The following DZIP3 variants were observed in gnomAD, a reference collection of about 807,000 sequenced individuals.
DZIP3 encodes the protein E3 ubiquitin-protein ligase DZIP3.
Under a neutral mutation model 162.0 loss-of-function variants are expected in DZIP3, and 118 were observed. That is an observed-to-expected ratio of 0.73 (90% CI 0.63 to 0.85). DZIP3 has a LOEUF of 0.85. DZIP3 is among the 40% of genes least tolerant of loss of function. The pLI is 0.00. For missense variants in DZIP3, 1,331 were observed against 1,407.0 expected, an observed-to-expected ratio of 0.95 and a Z score of 0.86; for synonymous variants, 438 against 458.6, an observed-to-expected ratio of 0.96 and a Z score of 0.57.
At chr3:108,603,595 G>GTT (rs1245090052) in intron 1 of DZIP3, among the ~76,000 whole-genome samples, 1 of 152,162 alleles carries the variant, frequency 6.6e-6, no homozygotes, top group Non-Finnish European at 1.5e-5. Flanking sequence ...AAGTGTTTTT[G>GTT]TTGGGGATGA....
chr3:108,669,345 ATC>A (rs1047115660), intron 21 of DZIP3, among the ~76,000 whole-genome samples: 9 of 151,930 alleles, frequency 5.9e-5, no homozygotes, highest in African/African-American at 2.2e-4. Flanking sequence ...AGAAGATACC[ATC>A]TCTGTTTTCT....
chr3:108,592,786 C>G lies in DZIP3; in HGVS notation c.-73+2947C>G, dbSNP rs530987117. Among the ~76,000 whole-genome samples, 3 of 149,724 alleles carry G rather than the reference C, an allele frequency of 2.0e-5. No individual in the cohort carries two copies. The South Asian group carries it at 6.3e-4, about 32-fold the overall frequency. On this transcript the variant is annotated intron_variant, in intron 1 of 32. Coordinates refer to ENST00000361582, the MANE Select transcript of DZIP3 (RefSeq NM_014648.4). ...ATATAGTTTGTCATACTGTCTTGTT[C>G]CATTCTTATTATGTTTATTTATCAT...
chr3:108,626,996 T>C (rs1010672895), intron 7 of DZIP3, among the ~76,000 whole-genome samples: 1 of 152,208 alleles, frequency 6.6e-6, no homozygotes, highest in Non-Finnish European at 1.5e-5. Context: ...AAGGTTGATA[T>C]CCTATTCTCT....
At chr3:108,667,758 CA>C (rs1447138055) in intron 21 of DZIP3, among the ~76,000 whole-genome samples, 7 of 152,016 alleles carry the variant, frequency 4.6e-5, no homozygotes, top group Non-Finnish European at 1.0e-4. Flanking sequence ...GAAAAACTGT[CA>C]AACAAGAGTA....
intron 27 of DZIP3, among the ~76,000 whole-genome samples, chr3:108,685,581 C>A (rs534503149): frequency 8.6e-4 from 131 of 152,150 alleles, no homozygotes; most frequent in Non-Finnish European, 1.4e-3. Context: ...GAAGGAACTA[C>A]CATAAAATAT....
At chr3:108,661,419 G>T (rs1943427191) in intron 19 of DZIP3, among the ~76,000 whole-genome samples, 1 of 152,100 alleles carries the variant, frequency 6.6e-6, no homozygotes, top group South Asian at 2.1e-4. Flanking sequence ...CTCACTCATA[G>T]GTGGGAATTG....
chr3:108,657,887 CAAAG>C lies in DZIP3; in HGVS notation c.2199+3580_2199+3583del, dbSNP rs1943213840. Among the ~76,000 whole-genome samples the C allele has an allele frequency of 2.0e-5, 3 of 152,236 alleles. No individual in the cohort carries two copies. The South Asian group carries it at 6.2e-4, about 32-fold the overall frequency. On this transcript the variant is annotated intron_variant, in intron 19 of 32. Transcript: ENST00000361582. ...TTAAACCAACAAAGATCAAAAGAGA[CAAAG>C]AAGGTCTTTACATAATGGTAAAGGG...
intron 9 of DZIP3, 81 bp from the exon 10 acceptor site, chr3:108,634,790 T>G (rs755299389): frequency 2.5e-4 from 176 of 703,696 alleles, no homozygotes; most frequent in Non-Finnish European, 3.5e-4. Flanking sequence ...TAGAATAATT[T>G]TTAAAGTGAC....
In DZIP3 at chr3:108,659,978, AAAAT is replaced by A. The variant is rs1432168884; in HGVS notation, c.2200-1895_2200-1892del. On this transcript the variant is annotated intron_variant, in intron 19 of 32. Coordinates refer to ENST00000361582, the MANE Select transcript of DZIP3 (RefSeq NM_014648.4). Reference sequence around the variant, plus strand: ...GGAGAACTACAAACCACTGCTCAACAAAATAAAAGAGGATACAAAGAAATGGAAG... The same window carrying A: ...GGAGAACTACAAACCACTGCTCAACAAAAAGAGGATACAAAGAAATGGAAG... Among the ~76,000 whole-genome samples, 1,295 of 152,220 alleles carry A rather than the reference AAAAT, an allele frequency of 8.5e-3. 17 individuals are homozygous for A. Among genetic ancestry groups the A allele is most frequent in the African/African-American group, 0.03 (1,240 of 41,550 alleles).
chr3:108,631,053 A>ACTCTCTCTCTCTCTCT (rs1559741298), intron 8 of DZIP3, among the ~76,000 whole-genome samples: 14 of 32,284 alleles, frequency 4.3e-4, no homozygotes, highest in Non-Finnish European at 4.7e-4. Flanking sequence ...ACACACACAC[A>ACTCTCTCTCTCTCTCT]CACTCTCTCT....
At chr3:108,615,718 A>C (rs897459564) in intron 4 of DZIP3, among the ~76,000 whole-genome samples, 4 of 152,262 alleles carry the variant, frequency 2.6e-5, no homozygotes, top group African/African-American at 9.6e-5. Flanking sequence ...CTTTCATTTC[A>C]ACCATGTAAA....
At chr3:108,593,384 T>C (rs760534329) in intron 1 of DZIP3, among the ~76,000 whole-genome samples, 1 of 152,228 alleles carries the variant, frequency 6.6e-6, no homozygotes, top group Non-Finnish European at 1.5e-5. Context: ...ATGTTTTTCT[T>C]TGCTTCAGGT....
intron 6 of DZIP3, among the ~76,000 whole-genome samples, chr3:108,625,481 A>C (rs1316933309): frequency 1.3e-5 from 2 of 152,176 alleles, no homozygotes; most frequent in Non-Finnish European, 2.9e-5. Context: ...AGCTGGACTT[A>C]ACTCCTGGGC....
intron 29 of DZIP3, 99 bp downstream of exon 29, chr3:108,688,195 A>G: frequency 7.2e-7 from 1 of 1,396,472 alleles, no homozygotes; most frequent in Non-Finnish European, 9.8e-7. Flanking sequence ...GAAAATCAGT[A>G]ACTTGTAATC....
At chr3:108,681,475 G>A (rs897800151) in intron 26 of DZIP3, among the ~76,000 whole-genome samples, 1 of 152,150 alleles carries the variant, frequency 6.6e-6, no homozygotes, top group African/African-American at 2.4e-5. Flanking sequence ...CTTTTACACT[G>A]TTGGTGGGAG....
intron 19 of DZIP3, chr3:108,654,519 G>A: frequency 2.0e-6 from 1 of 505,008 alleles, no homozygotes; most frequent in South Asian, 2.4e-5. Flanking sequence ...CTTCACTTTA[G>A]CCCTCAAACC....
At chr3:108,592,429 C>T (rs778046089) in intron 1 of DZIP3, among the ~76,000 whole-genome samples, 1 of 152,122 alleles carries the variant, frequency 6.6e-6, no homozygotes, top group Non-Finnish European at 1.5e-5. Flanking sequence ...CGTAGTGGCT[C>T]ATGCCTTTTA....
chr3:108,654,023 A>G (rs1942993524), intron 18 of DZIP3, 122 bp from the exon 19 acceptor site: 9 of 1,026,718 alleles, frequency 8.8e-6, no homozygotes, highest in East Asian at 2.6e-5. Context: ...TCCTTTGATC[A>G]TGAACCCTTC....
intron 23 of DZIP3, among the ~76,000 whole-genome samples, chr3:108,673,135 A>G (rs1187839025): frequency 6.6e-6 from 1 of 151,972 alleles, no homozygotes; most frequent in Admixed American, 6.6e-5. Flanking sequence ...CAAAAGAAAT[A>G]TGATTGTATG....
Sources: allele counts gnomAD v4.1 joint callset (sites outside exome capture counted in the v4.1 genomes callset), GRCh38; gene constraint gnomAD v4.1.1; transcripts MANE v1.5; gene names NCBI Gene and HGNC (gene_info 2026-07-23, HGNC 2026-07-21).